WIPF2: variants seen among roughly 807,000 people sequenced by gnomAD.
WIPF2 encodes the protein WAS/WASL-interacting protein family member 2.
WIPF2 carries 23 observed loss-of-function variants against 38.8 expected under a neutral mutation model. The ratio of observed to expected loss-of-function variants is 0.59; its 90% CI spans 0.43 to 0.84. The LOEUF (loss-of-function observed/expected upper bound fraction) is 0.84. Among genes scored for constraint, WIPF2 ranks in the 40% least tolerant of loss-of-function variants. The pLI, the probability that WIPF2 is intolerant of heterozygous loss-of-function variation, is 0.00. For missense variants in WIPF2, 574 were observed against 580.5 expected, an observed-to-expected ratio of 0.99 and a Z score of 0.11; for synonymous variants, 210 against 223.2, an observed-to-expected ratio of 0.94 and a Z score of 0.53.
chr17:40,252,847 T>C (rs1469775378), intron 1 of WIPF2, among the ~76,000 whole-genome samples: 2 of 148,412 alleles, frequency 1.3e-5, no homozygotes, highest in Non-Finnish European at 3.0e-5. Flanking sequence ...CACCACAACC[T>C]CCGCCTTCCA....
intron 1 of WIPF2, among the ~76,000 whole-genome samples, chr17:40,226,388 TG>T (rs2030490441): frequency 6.6e-6 from 1 of 151,418 alleles, no homozygotes; most frequent in African/African-American, 2.4e-5. Context: ...TTTTTTTTTT[TG>T]TATTTTTAGT....
chr17:40,270,882 TTGTGTG>T, intron 5 of WIPF2, among the ~76,000 whole-genome samples: 1 of 150,476 alleles, frequency 6.6e-6, no homozygotes, highest in South Asian at 2.1e-4. Context: ...TTGTGCCAGA[TTGTGTG>T]TGTGTGTGTG....
rs748169841 is a variant in WIPF2 at position 40,239,691 on chromosome 17, C to CTTTTTT, written c.-69-16684_-69-16679dup. ...CTTTGGACTCTTTGGTTCAGCTTTT[C>CTTTTTT]TTTTTTTTTTTTTTTTTTTTTGAGA... On this transcript the variant is annotated intron_variant, in intron 1 of 7. Coordinates refer to ENST00000323571, the MANE Select transcript of WIPF2 (RefSeq NM_133264.5). Among the ~76,000 whole-genome samples, 308 of 107,106 alleles carry CTTTTTT rather than the reference C, an allele frequency of 2.9e-3. 1 individual carries two copies. Among genetic ancestry groups the CTTTTTT allele is most frequent in the Non-Finnish European group, 4.1e-3 (210 of 51,844 alleles). 70.3% of individuals were successfully genotyped at this position (107,106 alleles called of 152,430 possible).
At chr17:40,267,674 G>T (rs1382338363) in intron 5 of WIPF2, among the ~76,000 whole-genome samples, 2 of 152,128 alleles carry the variant, frequency 1.3e-5, no homozygotes, top group African/African-American at 4.8e-5. Context: ...TGACTAGCTG[G>T]AATTACAGGC....
chr17:40,255,628 ATTTT>A (rs1174598826), intron 1 of WIPF2, among the ~76,000 whole-genome samples: 1 of 129,368 alleles, frequency 7.7e-6, no homozygotes. Context: ...CCCGGCCTAA[ATTTT>A]TTTTTTTTTT....
intron 1 of WIPF2, among the ~76,000 whole-genome samples, chr17:40,233,891 A>G (rs980582779): frequency 2.6e-5 from 4 of 151,992 alleles, no homozygotes; most frequent in African/African-American, 9.7e-5. Flanking sequence ...TGGAGAAACC[A>G]TATCTCTACT....
intron 1 of WIPF2, among the ~76,000 whole-genome samples, chr17:40,253,065 CT>C (rs767389253): frequency 2.1e-3 from 269 of 130,500 alleles, no homozygotes; most frequent in Middle Eastern, 5.2e-3. Context: ...CGCGCCTGGA[CT>C]TTTTTTTTTT....
chr17:40,264,566 C>T lies in WIPF2; in HGVS notation c.390C>T (p.Ala130=), dbSNP rs2032017702. The T allele has an allele frequency of 6.2e-7, 1 of 1,614,008 alleles. No homozygotes were observed. The highest frequency in any genetic ancestry group is 1.7e-5 in the Admixed American group (1 of 59,984). The part of the protein sequence containing the change: ...AAAPRPPVSA[A]SGRPQDDTDS... ...CCCCAAGGCCTCCAGTATCTGCCGC[C>T]AGCGGGCGTCCTCAGGATGATACAG... The change falls in exon 5 of 8, where the codon GCC becomes GCT. Residue 130 remains alanine (A), a synonymous_variant. Transcript: ENST00000323571.
intron 6 of WIPF2, among the ~76,000 whole-genome samples, chr17:40,274,582 A>AAAAAAAAG (rs2032336782): frequency 6.7e-6 from 1 of 148,534 alleles, no homozygotes; most frequent in Non-Finnish European, 1.5e-5. Context: ...AAAAAAAAAA[A>AAAAAAAAG]AAAAAAGAAA....
At chr17:40,235,372 T>G (rs1221059250) in intron 1 of WIPF2, among the ~76,000 whole-genome samples, 2 of 152,146 alleles carry the variant, frequency 1.3e-5, no homozygotes, top group Non-Finnish European at 2.9e-5. Context: ...TACCTTTACT[T>G]CCTTGTGTAG....
chr17:40,277,751 G>T (rs2032450702), intron 7 of WIPF2, among the ~76,000 whole-genome samples: 1 of 90,422 alleles, frequency 1.1e-5, no homozygotes, highest in Non-Finnish European at 2.0e-5. Context: ...TTGAGATAGG[G>T]TCTCCCTATC....
At chr17:40,256,604 A>C in intron 2 of WIPF2, 82 bp downstream of exon 2, 1 of 1,485,678 alleles carries the variant, frequency 6.7e-7, no homozygotes, top group Non-Finnish European at 8.9e-7. Context: ...TTTTCTTTTA[A>C]CTCCTTTTGG....
intron 1 of WIPF2, among the ~76,000 whole-genome samples, chr17:40,230,562 C>T (rs1026510019): frequency 3.5e-4 from 53 of 152,048 alleles, no homozygotes; most frequent in African/African-American, 1.2e-3. Context: ...GCAAATCAAA[C>T]TTGGTTGGCT....
At chr17:40,246,455 A>G (rs1364890339) in intron 1 of WIPF2, among the ~76,000 whole-genome samples, 2 of 139,262 alleles carry the variant, frequency 1.4e-5, no homozygotes, top group East Asian at 2.2e-4. Flanking sequence ...CTGGAGTGCA[A>G]TGGCACAGTC....
chr17:40,249,856 G>A (rs2031494694), intron 1 of WIPF2, among the ~76,000 whole-genome samples: 1 of 145,204 alleles, frequency 6.9e-6, no homozygotes, highest in African/African-American at 2.5e-5. Context: ...TTTTTGAGAT[G>A]GAGTCTCGCA....
intron 1 of WIPF2, 104 bp from the exon 2 acceptor site, chr17:40,256,287 A>C: frequency 1.2e-6 from 1 of 836,170 alleles, no homozygotes; most frequent in Non-Finnish European, 1.8e-6. Context: ...CTAAAAGATA[A>C]GGTGTTCAGT....
chr17:40,245,637 C>T (rs539388009), intron 1 of WIPF2, among the ~76,000 whole-genome samples: 7 of 152,282 alleles, frequency 4.6e-5, no homozygotes, highest in African/African-American at 9.6e-5. Context: ...GCCACTGCAC[C>T]TGTCCTGACC....
intron 1 of WIPF2, among the ~76,000 whole-genome samples, chr17:40,230,966 GC>G (rs2030717250): frequency 6.6e-6 from 1 of 152,170 alleles, no homozygotes; most frequent in South Asian, 2.1e-4. Context: ...GTTTTTATCT[GC>G]AAGTGTATTG....
At chr17:40,272,619 C>G (rs1398414733) in intron 5 of WIPF2, among the ~76,000 whole-genome samples, 1 of 151,982 alleles carries the variant, frequency 6.6e-6, no homozygotes, top group Admixed American at 6.6e-5. Flanking sequence ...TTTGGGAAAG[C>G]CTTGAGAAGA....
Sources: allele counts gnomAD v4.1 joint callset (sites outside exome capture counted in the v4.1 genomes callset), GRCh38; gene constraint gnomAD v4.1.1; transcripts MANE v1.5; gene names NCBI Gene and HGNC (gene_info 2026-07-23, HGNC 2026-07-21).